The following INTS4 variants were observed in gnomAD, a reference collection of about 807,000 sequenced individuals.
The protein encoded by INTS4 is integrator complex subunit 4, also known as MSTP093.
Under a neutral mutation model 119.5 loss-of-function variants are expected in INTS4, and 70 were observed. The observed-to-expected ratio is 0.59, with a 90% CI of 0.48 to 0.71. INTS4 has a LOEUF of 0.71. INTS4 is among the 30% of genes least tolerant of loss of function. The pLI, the probability that INTS4 is intolerant of heterozygous loss-of-function variation, is 0.00. For synonymous variants in INTS4, 316 were observed against 419.6 expected (o/e 0.75, Z 3.02); for missense variants, 867 against 1,173.2 (o/e 0.74, Z 3.81).
chr11:77,948,938 GTGTACAGCAATAAATGAC>G (rs1386203544), intron 8 of INTS4, among the ~76,000 whole-genome samples: 17 of 152,252 alleles, frequency 1.1e-4, no homozygotes, highest in East Asian at 5.8e-4. Context: ...TAAGAGATAA[GTGTACAGCAATAAATGAC>G]TACATCAAAA....
chr11:77,959,209 T>C (rs576013092), intron 6 of INTS4, among the ~76,000 whole-genome samples: 1 of 152,344 alleles, frequency 6.6e-6, no homozygotes, highest in Admixed American at 6.5e-5. Context: ...TACCTTGGTC[T>C]GAAATCACTG....
chr11:77,889,583 T>G (rs949453275), intron 21 of INTS4, among the ~76,000 whole-genome samples: 2 of 152,178 alleles, frequency 1.3e-5, no homozygotes, highest in Non-Finnish European at 2.9e-5. Context: ...TGAATGGAGT[T>G]CTGCAGGGTT....
intron 21 of INTS4, among the ~76,000 whole-genome samples, chr11:77,889,033 T>G (rs531215561): frequency 4.6e-4 from 70 of 152,322 alleles, no homozygotes; most frequent in African/African-American, 1.6e-3. Flanking sequence ...CTCAGGGATC[T>G]AGAACTAGAA....
chr11:77,947,511 C>T (rs1024567608), intron 8 of INTS4, among the ~76,000 whole-genome samples: 4 of 152,196 alleles, frequency 2.6e-5, no homozygotes, highest in African/African-American at 9.6e-5. Context: ...GTATTGAATG[C>T]TACAGCTAGA....
chr11:77,937,347 G>A (rs2136517875), intron 10 of INTS4, among the ~76,000 whole-genome samples: 1 of 151,392 alleles, frequency 6.6e-6, no homozygotes, highest in Non-Finnish European at 1.5e-5. Flanking sequence ...GTGATAAAGA[G>A]AAATCTTAAA....
intron 18 of INTS4, among the ~76,000 whole-genome samples, chr11:77,898,287 C>T (rs1306800631): frequency 6.6e-6 from 1 of 152,136 alleles, no homozygotes; most frequent in Middle Eastern, 3.2e-3. Flanking sequence ...CTCAGCCTCC[C>T]GAGTAGCTGG....
chr11:77,891,357 C>A lies in INTS4; in HGVS notation c.2554G>T (p.Glu852Ter), dbSNP rs2136392599. The change falls in exon 21 of 23, where the codon GAG (glutamate) becomes TAG (stop). Residue 852 changes from glutamate (E) to a stop codon, truncating the protein, a stop_gained. Coordinates refer to ENST00000534064, the MANE Select transcript of INTS4 (RefSeq NM_033547.4). LOFTEE classifies it high-confidence loss of function. The part of the protein sequence containing the change: ...VVALDVDATL[E>*]HVQDPQNTVK... ...GTGTTCTGAGGATCCTGCACATGCT[C>A]CAGGGTTGCATCAACATCCAGGGCA... The A allele has an allele frequency of 6.2e-7, 1 of 1,611,004 alleles. No homozygotes were observed. The highest frequency in any genetic ancestry group is 2.2e-5 in the East Asian group (1 of 44,814).
chr11:77,971,063 C>A (rs565387182), intron 4 of INTS4, among the ~76,000 whole-genome samples: 81 of 152,196 alleles, frequency 5.3e-4, no homozygotes, highest in African/African-American at 1.6e-3. Context: ...CCGCCTTGGC[C>A]TCCCACAGTG....
intron 18 of INTS4, among the ~76,000 whole-genome samples, chr11:77,897,708 T>C (rs866072433): frequency 6.6e-5 from 10 of 151,798 alleles, no homozygotes; most frequent in East Asian, 1.9e-4. Context: ...GGTTTCACCA[T>C]GTTAGCCAGG....
At chr11:77,992,767 A>G (rs1159708569) in intron 1 of INTS4, among the ~76,000 whole-genome samples, 1 of 152,240 alleles carries the variant, frequency 6.6e-6, no homozygotes, top group African/African-American at 2.4e-5. Flanking sequence ...ATAGGAGGGC[A>G]TACCAATACT....
chr11:77,965,758 G>C (rs949175034), intron 4 of INTS4, among the ~76,000 whole-genome samples: 3 of 152,034 alleles, frequency 2.0e-5, no homozygotes, highest in Non-Finnish European at 4.4e-5. Flanking sequence ...CCATACATTG[G>C]CTATTGTGAA....
intron 15 of INTS4, chr11:77,914,937 T>C (rs1187528862): frequency 1.2e-5 from 2 of 168,836 alleles, no homozygotes; most frequent in Admixed American, 6.1e-5. Context: ...CTATCTTTTA[T>C]TGTTACTGAT....
Position 77,960,933 on chromosome 11 carries a change from G to A in INTS4, c.657+20C>T. 1 of 1,585,118 alleles carries A rather than the reference G, an allele frequency of 6.3e-7. No individual in the cohort carries two copies. Among genetic ancestry groups the A allele is most frequent in the Non-Finnish European group, 8.6e-7 (1 of 1,165,930 alleles). On this transcript the variant is annotated intron_variant, in intron 5 of 22. Coordinates refer to ENST00000534064, the MANE Select transcript of INTS4 (RefSeq NM_033547.4). Reference sequence around the variant, plus strand: ...CAAAAATGAACACTAGCCCCAACTAGTTTCCATAATCACATTTACCATGGC... The same window carrying A: ...CAAAAATGAACACTAGCCCCAACTAATTTCCATAATCACATTTACCATGGC...
At chr11:77,898,827 A>T (rs1304615370) in intron 18 of INTS4, among the ~76,000 whole-genome samples, 1 of 152,068 alleles carries the variant, frequency 6.6e-6, no homozygotes, top group East Asian at 1.9e-4. Flanking sequence ...TGAGACCAGC[A>T]TGGCCAACAT....
intron 10 of INTS4, among the ~76,000 whole-genome samples, chr11:77,934,950 T>C (rs1953752886): frequency 2.6e-5 from 4 of 152,240 alleles, no homozygotes; most frequent in African/African-American, 9.6e-5. Context: ...TATGATTTTG[T>C]AGGCACTTTT....
rs531050456 is a variant in INTS4, at chr11:77,928,552, A to G, written c.1166-5T>C. 2 of 1,556,516 alleles carry G rather than the reference A, an allele frequency of 1.3e-6. No individual in the cohort carries two copies. Among genetic ancestry groups the G allele is most frequent in the Admixed American group, 3.9e-5 (2 of 51,704 alleles). On this transcript the variant is annotated splice_polypyrimidine_tract_variant and splice_region_variant and intron_variant, in intron 10 of 22. Coordinates refer to ENST00000534064, the MANE Select transcript of INTS4 (RefSeq NM_033547.4). ...CCACAGCAGCAATACGAACCTCTAG[A>G]AAAAAGAACAAATGAAATTGCACAT...
intron 15 of INTS4, among the ~76,000 whole-genome samples, chr11:77,909,076 T>C (rs1953030309): frequency 6.6e-6 from 1 of 152,228 alleles, no homozygotes; most frequent in African/African-American, 2.4e-5. Context: ...TACAACAAAT[T>C]GGTGTGTCTG....
chr11:77,973,989 T>C (rs1203722149), intron 4 of INTS4, among the ~76,000 whole-genome samples: 1 of 152,200 alleles, frequency 6.6e-6, no homozygotes, highest in Non-Finnish European at 1.5e-5. Flanking sequence ...TTGGGAGAGT[T>C]TGTAAAGAAT....
intron 16 of INTS4, among the ~76,000 whole-genome samples, chr11:77,905,443 G>A (rs990792127): frequency 6.6e-6 from 1 of 151,282 alleles, no homozygotes; most frequent in African/African-American, 2.4e-5. Flanking sequence ...TGGATGATAA[G>A]CTGAGACTCT....
Sources: gnomAD v4.1 joint callset for allele counts (sites outside exome capture counted in the v4.1 genomes callset) on GRCh38, gnomAD v4.1.1 for gene constraint, MANE v1.5 for transcripts, NCBI Gene and HGNC (gene_info 2026-07-23, HGNC 2026-07-21) for gene names.